The following UBAC2 variants were observed in gnomAD, a reference collection of about 807,000 sequenced individuals.
The protein encoded by UBAC2 is UBA domain containing 2.
Under a neutral mutation model 44.0 loss-of-function variants are expected in UBAC2, and 26 were observed. The ratio of observed to expected loss-of-function variants is 0.59; its 90% CI spans 0.43 to 0.82. The LOEUF (loss-of-function observed/expected upper bound fraction) is 0.82. UBAC2 is among the 40% of genes least tolerant of loss of function. The pLI is 0.00. For synonymous variants in UBAC2, 155 were observed against 154.3 expected, an observed-to-expected ratio of 1.00 and a Z score of -0.04; for missense variants, 329 against 419.4, an observed-to-expected ratio of 0.78 and a Z score of 1.88.
At chr13:99,318,748 A>G (rs2044528387) in intron 6 of UBAC2, among the ~76,000 whole-genome samples, 1 of 143,564 alleles carries the variant, frequency 7.0e-6, no homozygotes, top group South Asian at 2.3e-4. Context: ...GTGGAACCCG[A>G]GAGGTGGAGC....
chr13:99,268,581 C>T (rs2043773601), intron 4 of UBAC2, among the ~76,000 whole-genome samples: 1 of 128,380 alleles, frequency 7.8e-6, no homozygotes, highest in Admixed American at 9.4e-5. Context: ...GCACTCCATT[C>T]AGCCTGGGCT....
intron 7 of UBAC2, among the ~76,000 whole-genome samples, chr13:99,360,500 A>T (rs998145212): frequency 3.9e-5 from 6 of 152,200 alleles, no homozygotes; most frequent in Admixed American, 6.5e-5. Context: ...CTGGGATTTG[A>T]GCCCAGTTAT....
chr13:99,320,969 T>G (rs1280329185), intron 6 of UBAC2, among the ~76,000 whole-genome samples: 1 of 152,236 alleles, frequency 6.6e-6, no homozygotes, highest in Non-Finnish European at 1.5e-5. Context: ...AATAAAATTC[T>G]TACTATGCAA....
At chr13:99,338,065 T>C (rs1205519039) in intron 6 of UBAC2, among the ~76,000 whole-genome samples, 4 of 103,340 alleles carry the variant, frequency 3.9e-5, no homozygotes, top group Non-Finnish European at 8.2e-5. Context: ...TTTTTTTTTT[T>C]TTTTTTTTTT....
chr13:99,322,902 A>G (rs1162286847), intron 6 of UBAC2, among the ~76,000 whole-genome samples: 1 of 152,196 alleles, frequency 6.6e-6, no homozygotes, highest in African/African-American at 2.4e-5. Context: ...GCGGGCTGTG[A>G]TTTGCCTTTC....
chr13:99,358,386 G>A (rs901657591), intron 7 of UBAC2, among the ~76,000 whole-genome samples: 5 of 152,164 alleles, frequency 3.3e-5, no homozygotes, highest in Non-Finnish European at 5.9e-5. Context: ...GAACAAAATC[G>A]AATGCAGAAG....
intron 4 of UBAC2, among the ~76,000 whole-genome samples, chr13:99,306,380 G>T (rs912968553): frequency 6.6e-6 from 1 of 152,076 alleles, no homozygotes. Flanking sequence ...AGCAGCTGAA[G>T]CCAGATATTA....
At chr13:99,282,229 G>C (rs1369033124) in intron 4 of UBAC2, among the ~76,000 whole-genome samples, 1 of 151,834 alleles carries the variant, frequency 6.6e-6, no homozygotes, top group African/African-American at 2.4e-5. Flanking sequence ...GACACTTGGG[G>C]GGCAAAATCA....
At chr13:99,234,432 C>T (rs943780544) in intron 1 of UBAC2, 26 of 187,356 alleles carry the variant, frequency 1.4e-4, no homozygotes, top group Non-Finnish European at 9.4e-5. Flanking sequence ...TCAGGTGATC[C>T]GCCCGCCTCA....
intron 7 of UBAC2, among the ~76,000 whole-genome samples, chr13:99,355,880 C>G (rs1006361775): frequency 6.6e-6 from 1 of 152,242 alleles, no homozygotes; most frequent in Non-Finnish European, 1.5e-5. Flanking sequence ...ATGTGCATCC[C>G]ATGGCTCTCT....
At chr13:99,348,338 A>C (rs773338645) in intron 7 of UBAC2, among the ~76,000 whole-genome samples, 1 of 152,208 alleles carries the variant, frequency 6.6e-6, no homozygotes, top group Admixed American at 6.5e-5. Flanking sequence ...CAAAGAGAAG[A>C]AAAAAGAACC....
intron 7 of UBAC2, among the ~76,000 whole-genome samples, chr13:99,360,377 C>T (rs1460147445): frequency 1.3e-5 from 2 of 152,322 alleles, no homozygotes; most frequent in East Asian, 3.9e-4. Flanking sequence ...TTTTGATTCT[C>T]ATACTCTCCA....
At chr13:99,382,570 G>A (rs181651714) in intron 8 of UBAC2, among the ~76,000 whole-genome samples, 318 of 152,292 alleles carry the variant, frequency 2.1e-3, no homozygotes, top group African/African-American at 6.9e-3. Context: ...TTCTGGGCGC[G>A]GTGTTCTGAG....
intron 1 of UBAC2, among the ~76,000 whole-genome samples, chr13:99,221,291 A>G (rs1458664646): frequency 6.6e-6 from 1 of 152,160 alleles, no homozygotes; most frequent in Non-Finnish European, 1.5e-5. Flanking sequence ...CAGTCTTTTT[A>G]TATTTCGTTC....
intron 1 of UBAC2, among the ~76,000 whole-genome samples, chr13:99,228,759 C>T (rs1463133687): frequency 6.6e-6 from 1 of 152,144 alleles, no homozygotes; most frequent in Non-Finnish European, 1.5e-5. Context: ...AATTACGAGG[C>T]AATGAGGAAC....
intron 7 of UBAC2, among the ~76,000 whole-genome samples, chr13:99,341,343 G>A (rs1301308367): frequency 2.0e-5 from 3 of 151,092 alleles, no homozygotes; most frequent in Non-Finnish European, 2.9e-5. Flanking sequence ...CAGATCTCAC[G>A]ATGGTTTGGA....
intron 1 of UBAC2, among the ~76,000 whole-genome samples, chr13:99,208,908 C>G (rs547071693): frequency 6.6e-6 from 1 of 152,174 alleles, no homozygotes; most frequent in African/African-American, 2.4e-5. Flanking sequence ...TTATTTTGGT[C>G]GATTTATTTT....
intron 1 of UBAC2, among the ~76,000 whole-genome samples, chr13:99,235,470 C>G (rs1248368663): frequency 6.6e-6 from 1 of 151,918 alleles, no homozygotes; most frequent in Non-Finnish European, 1.5e-5. Flanking sequence ...TCTGAGTAGC[C>G]AAAATAATCC....
At chr13:99,322,116 A>G (rs2044575980) in intron 6 of UBAC2, among the ~76,000 whole-genome samples, 1 of 152,236 alleles carries the variant, frequency 6.6e-6, no homozygotes, top group Non-Finnish European at 1.5e-5. Context: ...CAAGTGACAT[A>G]TATCAGTTTA....
Sources: gnomAD v4.1 joint callset for allele counts (sites outside exome capture counted in the v4.1 genomes callset) on GRCh38, gnomAD v4.1.1 for gene constraint, MANE v1.5 for transcripts, NCBI Gene and HGNC (gene_info 2026-07-23, HGNC 2026-07-21) for gene names.